COL11A1: variants seen among roughly 807,000 people sequenced by gnomAD.
COL11A1 encodes the protein collagen type XI alpha 1 chain.
In COL11A1, 74 loss-of-function variants were observed where a neutral mutation model predicts 265.2. The observed-to-expected ratio is 0.28, with a 90% confidence interval of 0.23 to 0.34. COL11A1 has a LOEUF of 0.34. Among genes scored for constraint, COL11A1 ranks in the 10% least tolerant of loss-of-function variants. The pLI is 1.00. For synonymous variants in COL11A1, 816 were observed against 727.6 expected, an observed-to-expected ratio of 1.12 and a Z score of -1.96; for missense variants, 2,165 against 2,263.6, an observed-to-expected ratio of 0.96 and a Z score of 0.88.
At chr1:102,899,034 T>A (rs369435038) in intron 54 of COL11A1, 40 bp from the exon 55 acceptor site, 1 of 1,217,560 alleles carries the variant, frequency 8.2e-7, no homozygotes, top group Non-Finnish European at 1.2e-6. Context: ...GTATCACATA[T>A]AAAAGTAATG....
chr1:103,033,999 A>G (rs778561361), intron 4 of COL11A1, among the ~76,000 whole-genome samples: 3 of 151,270 alleles, frequency 2.0e-5, no homozygotes, highest in Non-Finnish European at 4.4e-5. Flanking sequence ...CTTTCCCCCT[A>G]CCCCCCAGAA....
At chr1:102,953,844 C>T (rs1201968843) in intron 41 of COL11A1, among the ~76,000 whole-genome samples, 1 of 152,098 alleles carries the variant, frequency 6.6e-6, no homozygotes, top group Non-Finnish European at 1.5e-5. Flanking sequence ...GTATACTTGT[C>T]TCTCTGTAAG....
chr1:102,928,543 T>G (rs1035161476), intron 46 of COL11A1, among the ~76,000 whole-genome samples: 5 of 152,208 alleles, frequency 3.3e-5, no homozygotes, highest in Non-Finnish European at 7.3e-5. Context: ...CTGTTGTCAA[T>G]AGTGCTACAA....
At chr1:103,071,757 A>G (rs1179846877) in intron 4 of COL11A1, among the ~76,000 whole-genome samples, 2 of 150,036 alleles carry the variant, frequency 1.3e-5, no homozygotes, top group African/African-American at 2.4e-5. Flanking sequence ...AAAAGTTGAA[A>G]TGTCATGGTT....
intron 46 of COL11A1, among the ~76,000 whole-genome samples, chr1:102,929,654 T>C: frequency 6.6e-6 from 1 of 152,116 alleles, no homozygotes; most frequent in Admixed American, 6.5e-5. Context: ...TTGATGGGGA[T>C]GGCATTGAAT....
At chr1:102,907,426 C>T (rs1654116254) in intron 54 of COL11A1, among the ~76,000 whole-genome samples, 1 of 152,002 alleles carries the variant, frequency 6.6e-6, no homozygotes. Context: ...AGGCTTTCAA[C>T]CTAAATGCAC....
At chr1:103,079,377 G>A (rs895939364) in intron 2 of COL11A1, among the ~76,000 whole-genome samples, 7 of 152,012 alleles carry the variant, frequency 4.6e-5, no homozygotes, top group African/African-American at 1.2e-4. Context: ...ACTGTATATT[G>A]CTTCTTATTA....
At chr1:103,043,787 C>T (rs1669026059) in intron 4 of COL11A1, among the ~76,000 whole-genome samples, 1 of 151,810 alleles carries the variant, frequency 6.6e-6, no homozygotes, top group South Asian at 2.1e-4. Context: ...AAATAAGTTC[C>T]AGTTTCAGGA....
At chr1:103,042,547 C>T (rs1037036629) in intron 4 of COL11A1, among the ~76,000 whole-genome samples, 5 of 151,980 alleles carry the variant, frequency 3.3e-5, no homozygotes, top group East Asian at 1.9e-4. Flanking sequence ...GGTTGGTTTC[C>T]GGGACAGACA....
At chr1:102,894,170 G>A (rs993114213) in intron 57 of COL11A1, among the ~76,000 whole-genome samples, 1 of 152,142 alleles carries the variant, frequency 6.6e-6, no homozygotes. Flanking sequence ...AGTTTTAAAA[G>A]TGACTAAATC....
chr1:103,095,326 A>T (rs1258027845), intron 1 of COL11A1, among the ~76,000 whole-genome samples: 2 of 152,048 alleles, frequency 1.3e-5, no homozygotes, highest in Non-Finnish European at 2.9e-5. Context: ...TAAATGCACC[A>T]TCATTTTCTA....
chr1:103,092,105 G>A (rs1192705304), intron 1 of COL11A1, among the ~76,000 whole-genome samples: 3 of 152,062 alleles, frequency 2.0e-5, no homozygotes, highest in Non-Finnish European at 4.4e-5. Context: ...ATGAAAAAGT[G>A]TGACTTCCAG....
chr1:102,955,356 T>A (rs921737522), intron 41 of COL11A1, among the ~76,000 whole-genome samples: 1 of 151,930 alleles, frequency 6.6e-6, no homozygotes, highest in African/African-American at 2.4e-5. Context: ...GAAAATAAAG[T>A]CAGAATCATG....
chr1:102,923,243 TAC>T lies in COL11A1; in HGVS notation c.3654+91_3654+92del, dbSNP rs34112708. 40,229 of 1,014,548 alleles carry T rather than the reference TAC, an allele frequency of 0.04. 948 individuals carry two copies. Among genetic ancestry groups the T allele is most frequent in the Middle Eastern group, 0.065 (319 of 4,940 alleles). The allele number at this position is 1,014,548 out of a possible 1,614,324, so 62.8% of individuals were successfully genotyped here. On this transcript the variant is annotated intron_variant, in intron 47 of 66. Transcript: ENST00000370096. ...TGCTTATATACACCTCAATAATATA[TAC>T]ATAGTAATGAAAGAACACATAATAC...
At chr1:102,969,284 T>A (rs1265869682) in intron 37 of COL11A1, among the ~76,000 whole-genome samples, 1 of 152,136 alleles carries the variant, frequency 6.6e-6, no homozygotes, top group Admixed American at 6.6e-5. Flanking sequence ...AAAAATCATA[T>A]TTTTTTCAGA....
At chr1:102,984,320 T>C in intron 30 of COL11A1, 129 bp from the exon 31 acceptor site, 1 of 617,706 alleles carries the variant, frequency 1.6e-6, no homozygotes, top group Admixed American at 2.8e-5. Context: ...CAGATTTTTG[T>C]CATTATTTAC....
intron 4 of COL11A1, among the ~76,000 whole-genome samples, chr1:103,044,233 G>C (rs899049549): frequency 6.7e-6 from 1 of 150,156 alleles, no homozygotes; most frequent in Non-Finnish European, 1.5e-5. Flanking sequence ...CTGTGGTAAA[G>C]GAAAGTTGCC....
intron 44 of COL11A1, among the ~76,000 whole-genome samples, chr1:102,937,345 G>T (rs149979872): frequency 6.6e-6 from 1 of 151,538 alleles, no homozygotes; most frequent in Non-Finnish European, 1.5e-5. Flanking sequence ...GGCTTCTGTC[G>T]AGTGTATAAG....
chr1:103,025,751 G>A (rs765328718), intron 6 of COL11A1, 138 bp from the exon 7 acceptor site: 2 of 1,606,506 alleles, frequency 1.2e-6, no homozygotes, highest in East Asian at 4.5e-5. Flanking sequence ...CATGATCAGA[G>A]ATCTTCCAGC....
Sources: gnomAD v4.1 joint callset for allele counts (sites outside exome capture counted in the v4.1 genomes callset) on GRCh38, gnomAD v4.1.1 for gene constraint, MANE v1.5 for transcripts, NCBI Gene and HGNC (gene_info 2026-07-23, HGNC 2026-07-21) for gene names.